Variants in DNAJC10 observed in about 807,000 individuals in gnomAD.
The protein encoded by DNAJC10 is DnaJ heat shock protein family (Hsp40) member C10.
Under a neutral mutation model 115.0 loss-of-function variants are expected in DNAJC10, and 101 were observed. The ratio of observed to expected loss-of-function variants is 0.88; its 90% CI spans 0.75 to 1.04. DNAJC10 has a LOEUF of 1.04. Ranked by LOEUF, DNAJC10 falls within the 50% of genes least tolerant of loss-of-function variation. The probability of loss-of-function intolerance (pLI) is 0.00; values close to 1 mark genes in which losing one functional copy is unlikely to be tolerated. For synonymous variants in DNAJC10, 307 were observed against 301.5 expected (o/e 1.02, Z -0.19); for missense variants, 981 against 928.8 (o/e 1.06, Z -0.73).
intron 10 of DNAJC10, among the ~76,000 whole-genome samples, chr2:182,734,942 A>G (rs913013813): frequency 3.9e-4 from 58 of 149,794 alleles, no homozygotes; most frequent in Non-Finnish European, 1.2e-4. Context: ...CTGTATCCTT[A>G]TATTTATTGC....
Position 182,783,118 on chromosome 2 carries a change from G to C in DNAJC10, c.*5986G>C, listed in dbSNP as rs932059478. On this transcript the variant is annotated 3_prime_UTR_variant, in exon 24 of 24. Coordinates refer to ENST00000264065, the MANE Select transcript of DNAJC10 (RefSeq NM_018981.4). ...TTTTGAGTGTTTTTAGCATGAAAGG[G>C]TGTTAATTTTATCGAAGGCCTTTTC... 2 of 152,102 alleles carry C rather than the reference G, an allele frequency of 1.3e-5. No individual in the cohort carries two copies. The highest frequency in any genetic ancestry group is 2.9e-5 in the Non-Finnish European group (2 of 68,036). The allele number at this position is 152,102 out of a possible 1,614,324, so 9.4% of individuals were successfully genotyped here.
At position 182,790,935 on chromosome 2, in the gene DNAJC10, C is replaced by T. The variant is rs566736841; in HGVS notation, c.*13803C>T. On this transcript the variant is annotated 3_prime_UTR_variant, in exon 24 of 24. Transcript: ENST00000264065. Reference sequence around the variant, plus strand: ...TTATTCTCTTATTTCTTCCAAGTAACCATATTCTCTTTTACCCTCCTGTTC... The same window carrying T: ...TTATTCTCTTATTTCTTCCAAGTAATCATATTCTCTTTTACCCTCCTGTTC... 6.6e-6 allele frequency: 1 copy of T among 152,138 alleles called. No individual in the cohort carries two copies. Among genetic ancestry groups the T allele is most frequent in the Non-Finnish European group, 1.5e-5 (1 of 67,992 alleles). The allele number at this position is 152,138 out of a possible 1,614,324, so 9.4% of individuals were successfully genotyped here.
At chr2:182,770,764 T>A (rs1326674211) in intron 22 of DNAJC10, among the ~76,000 whole-genome samples, 1 of 152,226 alleles carries the variant, frequency 6.6e-6, no homozygotes, top group Non-Finnish European at 1.5e-5. Flanking sequence ...CAGGGACAAT[T>A]TGACTTCCTC....
chr2:182,764,285 G>C (rs1436824556), intron 22 of DNAJC10, among the ~76,000 whole-genome samples: 2 of 152,102 alleles, frequency 1.3e-5, no homozygotes, highest in African/African-American at 4.8e-5. Context: ...TGAAATTCAT[G>C]GGTTACATTA....
At chr2:182,768,821 T>TTTTG (rs530567568) in intron 22 of DNAJC10, among the ~76,000 whole-genome samples, 8 of 152,234 alleles carry the variant, frequency 5.3e-5, no homozygotes, top group Non-Finnish European at 1.0e-4. Flanking sequence ...GGGAACATCT[T>TTTTG]TTTGTTTGTT....
intron 13 of DNAJC10, among the ~76,000 whole-genome samples, chr2:182,742,527 AATGGTTTTTATT>A (rs1693761829): frequency 2.0e-5 from 3 of 152,038 alleles, no homozygotes; most frequent in Non-Finnish European, 4.4e-5. Context: ...TGTTTTCTTA[AATGGTTTTTATT>A]CTCATTACTA....
chr2:182,722,119 G>T lies in DNAJC10; in HGVS notation c.418+44G>T, dbSNP rs371448909. 8 of 1,355,932 alleles carry T rather than the reference G, an allele frequency of 5.9e-6. No individual in the cohort carries two copies. In the South Asian group the frequency reaches 7.9e-5, roughly 13 times the overall value. The allele number at this position is 1,355,932 out of a possible 1,614,324, so 84.0% of individuals were successfully genotyped here. A position where few individuals can be genotyped will look rare whatever the true frequency, so the allele number is the denominator to read the frequency against. On this transcript the variant is annotated intron_variant, in intron 5 of 23. Transcript: ENST00000264065. The stretch of plus-strand genomic sequence containing the variant: ...GGTTTTATAAAACTAATACAAGTTC[G>T]ATCTCATCTAAAACTCTAGGGGATA...
rs1373260219 is a variant in DNAJC10 at position 182,780,243 on chromosome 2, G to A, written c.*3111G>A. 1 of 152,130 alleles carries A rather than the reference G, an allele frequency of 6.6e-6. No homozygotes were observed. Among genetic ancestry groups the A allele is most frequent in the Non-Finnish European group, 1.5e-5 (1 of 68,058 alleles). 9.4% of individuals were successfully genotyped at this position (152,130 alleles called of 1,614,324 possible). ...CCAGTGTTGGATATGGGGCCTGGTGGGAGGTGTTTGGGTGATGGGGGCTGA... is the reference window on the plus strand; with the variant it reads ...CCAGTGTTGGATATGGGGCCTGGTGAGAGGTGTTTGGGTGATGGGGGCTGA... On this transcript the variant is annotated 3_prime_UTR_variant, in exon 24 of 24. Transcript: ENST00000264065.
At position 182,791,312 on chromosome 2, in the gene DNAJC10, CAAAAGTT is replaced by C. The variant is rs1695045110; in HGVS notation, c.*14185_*14191del. 6.6e-6 allele frequency: 1 copy of C among 151,980 alleles called. No homozygotes were observed. The highest frequency in any genetic ancestry group is 2.4e-5 in the African/African-American group (1 of 41,374). The allele number at this position is 151,980 out of a possible 1,614,324, so 9.4% of individuals were successfully genotyped here. A position where few individuals can be genotyped will look rare whatever the true frequency, so the allele number is the denominator to read the frequency against. Reference sequence around the variant, plus strand: ...CTTAACATAGAAACTCACCCAGCCTCAAAAGTTAAAAATTAAGAGAGATATGTATTCA... The same window carrying C: ...CTTAACATAGAAACTCACCCAGCCTCAAAAATTAAGAGAGATATGTATTCA... On this transcript the variant is annotated 3_prime_UTR_variant, in exon 24 of 24. Transcript: ENST00000264065.
At chr2:182,724,048 T>A (rs1260575586) in intron 5 of DNAJC10, among the ~76,000 whole-genome samples, 1 of 152,172 alleles carries the variant, frequency 6.6e-6, no homozygotes, top group Admixed American at 6.5e-5. Flanking sequence ...CCTTCTAAGC[T>A]CTTCTATTAT....
chr2:182,725,782 C>A (rs574394231), intron 5 of DNAJC10, among the ~76,000 whole-genome samples: 9 of 152,186 alleles, frequency 5.9e-5, no homozygotes, highest in Non-Finnish European at 1.0e-4. Flanking sequence ...TCCAGAAGAT[C>A]TAGCTAAGAT....
intron 4 of DNAJC10, among the ~76,000 whole-genome samples, chr2:182,721,656 A>G (rs1358867116): frequency 6.6e-6 from 1 of 152,110 alleles, no homozygotes; most frequent in Non-Finnish European, 1.5e-5. Context: ...GCTACATAAC[A>G]TGTCACCATT....
rs986640502 is a variant in DNAJC10 at position 182,783,431 on chromosome 2, C to T, written c.*6299C>T. 6.6e-6 allele frequency: 1 copy of T among 152,068 alleles called. No individual in the cohort carries two copies. The highest frequency in any genetic ancestry group is 2.4e-5 in the African/African-American group (1 of 41,414). The allele number at this position is 152,068 out of a possible 1,614,324, so 9.4% of individuals were successfully genotyped here. A position where few individuals can be genotyped will look rare whatever the true frequency, so the allele number is the denominator to read the frequency against. On this transcript the variant is annotated 3_prime_UTR_variant, in exon 24 of 24. Transcript: ENST00000264065. ...GGCGTTAAGGCAAAAAATACATATACACACACAAAAAAAATATTTCAGCAG... is the reference window on the plus strand; with the variant it reads ...GGCGTTAAGGCAAAAAATACATATATACACACAAAAAAAATATTTCAGCAG...
chr2:182,730,232 T>C (rs1023933389), intron 8 of DNAJC10, among the ~76,000 whole-genome samples: 3 of 152,236 alleles, frequency 2.0e-5, no homozygotes, highest in African/African-American at 7.2e-5. Context: ...ACAAGTGTTT[T>C]ATTGCTTTTT....
chr2:182,744,230 G>A (rs1212419052), intron 14 of DNAJC10, among the ~76,000 whole-genome samples: 1 of 152,104 alleles, frequency 6.6e-6, no homozygotes, highest in Non-Finnish European at 1.5e-5. Flanking sequence ...TCCTTGTCCT[G>A]AAAGAGGTCA....
rs566013348 is a variant in DNAJC10, at chr2:182,748,796, G to A, written c.1307-2862G>A. Among the ~76,000 whole-genome samples, 195 of 152,158 alleles carry A rather than the reference G, an allele frequency of 1.3e-3. 1 individual carries two copies. The highest frequency in any genetic ancestry group is 4.2e-3 in the African/African-American group (176 of 41,486). On this transcript the variant is annotated intron_variant, in intron 14 of 23. Coordinates refer to ENST00000264065, the MANE Select transcript of DNAJC10 (RefSeq NM_018981.4). Reference sequence around the variant, plus strand: ...CTGCTTTCTCTTGTGGGCATTTAGTGCTATAAATTTCCCTCTACGCACTGC... The same window carrying A: ...CTGCTTTCTCTTGTGGGCATTTAGTACTATAAATTTCCCTCTACGCACTGC...
rs1694848794 is a variant in DNAJC10, at chr2:182,781,607, A to G, written c.*4475A>G. On this transcript the variant is annotated 3_prime_UTR_variant, in exon 24 of 24. Coordinates refer to ENST00000264065, the MANE Select transcript of DNAJC10 (RefSeq NM_018981.4). ...AGTGTAAAAGCATTCCTATTTCTCCACATCCTCTCCAGCATCTGTTGTTTC... is the reference window on the plus strand; with the variant it reads ...AGTGTAAAAGCATTCCTATTTCTCCGCATCCTCTCCAGCATCTGTTGTTTC... 6.6e-6 allele frequency: 1 copy of G among 152,114 alleles called. No homozygotes were observed. 9.4% of individuals were successfully genotyped at this position (152,114 alleles called of 1,614,324 possible). A position where few individuals can be genotyped will look rare whatever the true frequency, so the allele number is the denominator to read the frequency against.
intron 13 of DNAJC10, among the ~76,000 whole-genome samples, chr2:182,742,990 G>A (rs547158957): frequency 1.9e-4 from 29 of 152,180 alleles, no homozygotes; most frequent in African/African-American, 4.1e-4. Flanking sequence ...GGGACTACAG[G>A]TGCAAGCCAC....
rs1039776597 is a variant in DNAJC10 at position 182,779,534 on chromosome 2, C to T, written c.*2402C>T. 1.1e-4 allele frequency: 17 copies of T among 152,106 alleles called. No individual in the cohort carries two copies. The highest frequency in any genetic ancestry group is 4.1e-4 in the African/African-American group (17 of 41,414). The allele number at this position is 152,106 out of a possible 1,614,324, so 9.4% of individuals were successfully genotyped here. A position where few individuals can be genotyped will look rare whatever the true frequency, so the allele number is the denominator to read the frequency against. The stretch of plus-strand genomic sequence containing the variant: ...TGAGGCAGGAGGGATTGCTTGGGCT[C>T]AGGATTTTGAATCCAGCCTGGGCAA... On this transcript the variant is annotated 3_prime_UTR_variant, in exon 24 of 24. Transcript: ENST00000264065.
Sources: gnomAD v4.1 joint callset for allele counts (sites outside exome capture counted in the v4.1 genomes callset) on GRCh38, gnomAD v4.1.1 for gene constraint, MANE v1.5 for transcripts, NCBI Gene and HGNC (gene_info 2026-07-23, HGNC 2026-07-21) for gene names.